Variants in RER1 observed in about 807,000 individuals in gnomAD.
RER1 encodes retention in endoplasmic reticulum sorting receptor 1.
A neutral mutation model predicts 28.3 loss-of-function variants in RER1; 6 were observed. The ratio of observed to expected loss-of-function variants is 0.21; its 90% confidence interval spans 0.12 to 0.42. The LOEUF is 0.42. Ranked by LOEUF, RER1 falls within the 10% of genes least tolerant of loss-of-function variation. RER1 has a pLI of 1.00. For synonymous variants in RER1, 110 were observed against 95.9 expected (o/e 1.15, Z -0.86); for missense variants, 159 against 252.9 (o/e 0.63, Z 2.52).
chr1:2,405,245 C>A lies in RER1; in HGVS notation c.*2121C>A. ...GTCCTGGGGGATGTGCTCTGCCCAG[C>A]CGCCCTCGGGGAGAGCAGCGCCGCC... On this transcript the variant is annotated 3_prime_UTR_variant, in exon 7 of 7. Coordinates refer to ENST00000605895, the MANE Select transcript of RER1 (RefSeq NM_007033.5). 1 of 260,426 alleles carries A rather than the reference C, an allele frequency of 3.8e-6. No homozygotes were observed. 16.1% of individuals were successfully genotyped at this position (260,426 alleles called of 1,614,324 possible). A position where few individuals can be genotyped will look rare whatever the true frequency, so the allele number is the denominator to read the frequency against.
chr1:2,399,496 T>TC lies in RER1; in HGVS notation c.270dup (p.Met92AsnfsTer6). 1 of 1,610,264 alleles carries TC rather than the reference T, an allele frequency of 6.2e-7. No homozygotes were observed. The highest frequency in any genetic ancestry group is 2.2e-5 in the East Asian group (1 of 44,858). On this transcript the variant is annotated frameshift_variant, in exon 4 of 7. Transcript: ENST00000605895. LOFTEE classifies it high-confidence loss of function. ...TTTTCTTTCTCCCAAAGTGGATCCTTCCTTAATGGAAGACTCAGGTAGGGT... is the reference window on the plus strand; with the variant it reads ...TTTTCTTTCTCCCAAAGTGGATCCTTCCCTTAATGGAAGACTCAGGTAGGGT...
In RER1 at chr1:2,403,459, C is replaced by T. The variant is rs1251906911; in HGVS notation, c.*335C>T. On this transcript the variant is annotated 3_prime_UTR_variant, in exon 7 of 7. Transcript: ENST00000605895. ...GGTGGGCAGGCAGGAGCAAGGCCTG[C>T]GAGGGAGGAACGGGCCGCTCCCCGC... 3 of 320,632 alleles carry T rather than the reference C, an allele frequency of 9.4e-6. No homozygotes were observed. Among genetic ancestry groups the T allele is most frequent in the East Asian group, 9.1e-5 (1 of 11,012 alleles). The allele number at this position is 320,632 out of a possible 1,614,324, so 19.9% of individuals were successfully genotyped here. A position where few individuals can be genotyped will look rare whatever the true frequency, so the allele number is the denominator to read the frequency against.
At chr1:2,402,107 G>A (rs1642872262) in intron 5 of RER1, 100 bp from the exon 6 acceptor site, 1 of 1,612,580 alleles carries the variant, frequency 6.2e-7, no homozygotes, top group Non-Finnish European at 8.5e-7. Flanking sequence ...GGATGCTTCT[G>A]TTTGCGGGGA....
At chr1:2,401,060 C>T (rs1361337695) in intron 5 of RER1, 125 bp downstream of exon 5, 8 of 779,540 alleles carry the variant, frequency 1.0e-5, no homozygotes, top group African/African-American at 1.7e-5. Flanking sequence ...CACGGGGAAT[C>T]GCAGGGGCTC....
intron 5 of RER1, among the ~76,000 whole-genome samples, chr1:2,401,287 T>TTCCTCCCTCCTTCCTGCCGCC (rs1642850368): frequency 3.4e-5 from 1 of 29,254 alleles, no homozygotes; most frequent in East Asian, 1.4e-3. Context: ...TCCCTCCTCC[T>TTCCTCCCTCCTTCCTGCCGCC]TCCTCCCTCC....
intron 2 of RER1, chr1:2,396,477 G>C (rs1486114540): frequency 6.6e-6 from 1 of 152,642 alleles, no homozygotes; most frequent in Non-Finnish European, 1.5e-5. Flanking sequence ...TGGGTGACAG[G>C]CATATGTAAG....
intron 5 of RER1, among the ~76,000 whole-genome samples, chr1:2,401,692 TTGCAGCCGCAGATGGAGTG>T (rs1049008908): frequency 9.2e-5 from 14 of 152,074 alleles, no homozygotes; most frequent in African/African-American, 3.4e-4. Flanking sequence ...CGCCTTGACT[TTGCAGCCGCAGATGGAGTG>T]TGGTACAGAA....
At chr1:2,400,585 T>G (rs1345332358) in intron 4 of RER1, among the ~76,000 whole-genome samples, 1 of 152,276 alleles carries the variant, frequency 6.6e-6, no homozygotes, top group Admixed American at 6.5e-5. Context: ...GTGGTGCAGC[T>G]GACGTGTTCC....
rs148917966 is a variant in RER1, at chr1:2,398,443, C to T, written c.187-972C>T. ...TCACTCTGTCGCCCAGGCTGGAGTG[C>T]AGTGGCCTGATCTTGGCTCACTGCA... On this transcript the variant is annotated intron_variant, in intron 3 of 6. Transcript: ENST00000605895. Among the ~76,000 whole-genome samples the T allele has an allele frequency of 2.5e-3, 382 of 152,352 alleles. 12 individuals are homozygous for T. The East Asian group carries it at 0.066, about 26-fold the overall frequency.
At chr1:2,395,379 C>A in intron 1 of RER1, 1 of 242,076 alleles carries the variant, frequency 4.1e-6, no homozygotes, top group Non-Finnish European at 8.3e-6. Flanking sequence ...GACAAGGTGC[C>A]TGGGCGGGGG....
In RER1 at chr1:2,400,844, C is replaced by T; in HGVS notation, c.287-13C>T. ...AAAGAGGTGCCCTCCCTGATGGTTGCTCTGCCTTACAGATGACGGTCCTTC... is the reference window on the plus strand; with the variant it reads ...AAAGAGGTGCCCTCCCTGATGGTTGTTCTGCCTTACAGATGACGGTCCTTC... On this transcript the variant is annotated splice_polypyrimidine_tract_variant and intron_variant, in intron 4 of 6. Coordinates refer to ENST00000605895, the MANE Select transcript of RER1 (RefSeq NM_007033.5). 11 of 1,612,036 alleles carry T rather than the reference C, an allele frequency of 6.8e-6. No homozygotes were observed. Among genetic ancestry groups the T allele is most frequent in the Non-Finnish European group, 9.3e-6 (11 of 1,178,162 alleles).
intron 1 of RER1, among the ~76,000 whole-genome samples, chr1:2,392,753 A>G (rs941001493): frequency 6.6e-6 from 1 of 152,222 alleles, no homozygotes; most frequent in Non-Finnish European, 1.5e-5. Context: ...TCAGACTCTC[A>G]CATGGCTTCT....
chr1:2,401,385 TCCCTCCTCCTCCC>T, intron 5 of RER1, among the ~76,000 whole-genome samples: 1 of 40,344 alleles, frequency 2.5e-5, no homozygotes, highest in Middle Eastern at 0.014. Flanking sequence ...TCCCTCCTCC[TCCCTCCTCCTCCC>T]TCCTCCTCCC....
chr1:2,402,214 G>T lies in RER1; in HGVS notation c.373G>T (p.Ala125Ser). 6.2e-7 allele frequency: 1 copy of T among 1,614,200 alleles called. No homozygotes were observed. The highest frequency in any genetic ancestry group is 8.5e-7 in the Non-Finnish European group (1 of 1,180,038). The change falls in exon 6 of 7, where the codon GCT becomes TCT. Residue 125 changes from alanine (A) to serine (S), a missense_variant. Physicochemically the swap from Ala to Ser is moderately conservative, Grantham distance 99. Transcript: ENST00000605895. The stretch of plus-strand genomic sequence containing the variant: ...TTCTCTCCCCACTTGAAGGCATGCG[G>T]CTACCAAGGGCATCCTTGTGGCTAT... ...RLPEFKFWHA[A>S]TKGILVAMVC...
rs760677467 is a variant in RER1 at position 2,405,172 on chromosome 1, G to A, written c.*2048G>A. 11 of 178,092 alleles carry A rather than the reference G, an allele frequency of 6.2e-5. No homozygotes were observed. The highest frequency in any genetic ancestry group is 1.5e-4 in the East Asian group (1 of 6,712). 11.0% of individuals were successfully genotyped at this position (178,092 alleles called of 1,614,324 possible). A position where few individuals can be genotyped will look rare whatever the true frequency, so the allele number is the denominator to read the frequency against. ...GGTGTGTGTGCCAAATGCTTCCGAC[G>A]GAGGTGCTGGCCTTGGTTGGTTTCT... On this transcript the variant is annotated 3_prime_UTR_variant, in exon 7 of 7. Transcript: ENST00000605895.
At chr1:2,396,100 T>A in intron 2 of RER1, 2 of 539,898 alleles carry the variant, frequency 3.7e-6, no homozygotes, top group Non-Finnish European at 3.3e-6. Context: ...TGTTTCTGTT[T>A]TCCTTTTACC....
intron 5 of RER1, among the ~76,000 whole-genome samples, chr1:2,401,235 C>CCCTCCTTCCTT (rs1642845546): frequency 9.1e-6 from 1 of 110,134 alleles, no homozygotes; most frequent in Admixed American, 8.7e-5. Flanking sequence ...CTCCCTTCCT[C>CCCTCCTTCCTT]CCTCCTTCCT....
rs115090288 is a variant in RER1 at position 2,403,424 on chromosome 1, C to T, written c.*300C>T. The T allele has an allele frequency of 1.5e-3, 538 of 358,506 alleles. 1 individual carries two copies. Among genetic ancestry groups the T allele is most frequent in the African/African-American group, 0.011 (492 of 46,830 alleles). The allele number at this position is 358,506 out of a possible 1,614,324, so 22.2% of individuals were successfully genotyped here. A position where few individuals can be genotyped will look rare whatever the true frequency, so the allele number is the denominator to read the frequency against. Reference sequence around the variant, plus strand: ...GGAGCAAGGGCGAGTGGCCGGTCCCCGCTGTGCCAGGTGGGCAGGCAGGAG... The same window carrying T: ...GGAGCAAGGGCGAGTGGCCGGTCCCTGCTGTGCCAGGTGGGCAGGCAGGAG... On this transcript the variant is annotated 3_prime_UTR_variant, in exon 7 of 7. Transcript: ENST00000605895.
At chr1:2,401,742 C>T (rs193297001) in intron 5 of RER1, among the ~76,000 whole-genome samples, 15 of 152,216 alleles carry the variant, frequency 9.9e-5, no homozygotes, top group Admixed American at 9.8e-4. Flanking sequence ...CCCTGGAAGC[C>T]ACCAGAAGCT....
Sources: allele counts gnomAD v4.1 joint callset (sites outside exome capture counted in the v4.1 genomes callset), GRCh38; gene constraint gnomAD v4.1.1; transcripts MANE v1.5; gene names NCBI Gene and HGNC (gene_info 2026-07-23, HGNC 2026-07-21).